Variants in UNC5D observed in about 807,000 individuals in gnomAD.
UNC5D encodes netrin receptor UNC5D.
A neutral mutation model predicts 105.4 loss-of-function variants in UNC5D; 39 were observed. The observed-to-expected ratio is 0.37, with a 90% CI of 0.29 to 0.48. UNC5D has a LOEUF of 0.48. Among genes scored for constraint, UNC5D ranks in the 20% least tolerant of loss-of-function variants. UNC5D has a pLI of 0.98. For synonymous variants in UNC5D, 452 were observed against 450.4 expected, an observed-to-expected ratio of 1.00 and a Z score of -0.04; for missense variants, 991 against 1,202.4, an observed-to-expected ratio of 0.82 and a Z score of 2.60.
At chr8:35,289,335 C>T (rs1448246823) in intron 1 of UNC5D, among the ~76,000 whole-genome samples, 3 of 152,136 alleles carry the variant, frequency 2.0e-5, no homozygotes, top group East Asian at 1.9e-4. Context: ...GTGCACTAAA[C>T]ATTGTAGCAC....
intron 1 of UNC5D, among the ~76,000 whole-genome samples, chr8:35,291,760 T>C (rs577254470): frequency 2.0e-5 from 3 of 152,322 alleles, no homozygotes; most frequent in South Asian, 2.1e-4. Flanking sequence ...TCTTTTGTAG[T>C]TGAATTTCAA....
At chr8:35,454,414 G>A (rs570493772) in intron 1 of UNC5D, among the ~76,000 whole-genome samples, 1 of 152,192 alleles carries the variant, frequency 6.6e-6, no homozygotes, top group South Asian at 2.1e-4. Flanking sequence ...AACACAGGAA[G>A]AGCTGCTCAC....
chr8:35,579,982 G>A (rs1563555505), intron 3 of UNC5D, among the ~76,000 whole-genome samples: 1 of 152,166 alleles, frequency 6.6e-6, no homozygotes, highest in Admixed American at 6.5e-5. Context: ...AGGTACAAAT[G>A]TGAGGATTCA....
Position 35,759,254 on chromosome 8 carries a change from G to T in UNC5D, c.2164-66G>T, listed in dbSNP as rs1830649548. ...ATGGTAGTGAGCATGTGTATCCCTA[G>T]ATAGGAAATATGTAAGTAGCAGGAT... On this transcript the variant is annotated intron_variant, in intron 13 of 16. Coordinates refer to ENST00000404895, the MANE Select transcript of UNC5D (RefSeq NM_080872.4). 22 of 1,574,040 alleles carry T rather than the reference G, an allele frequency of 1.4e-5. No individual in the cohort carries two copies. In the South Asian group the frequency reaches 2.5e-4, roughly 18 times the overall value.
chr8:35,743,382 G>A (rs962307783), intron 11 of UNC5D, among the ~76,000 whole-genome samples: 20 of 151,824 alleles, frequency 1.3e-4, no homozygotes, highest in African/African-American at 3.1e-4. Context: ...CAATTCTCTC[G>A]CCTCAGCCTC....
At chr8:35,683,184 C>A (rs1825783095) in intron 4 of UNC5D, among the ~76,000 whole-genome samples, 1 of 152,124 alleles carries the variant, frequency 6.6e-6, no homozygotes, top group Non-Finnish European at 1.5e-5. Context: ...ATTTTCTGAG[C>A]TCCACTTTGG....
chr8:35,413,067 A>T (rs899775352), intron 1 of UNC5D, among the ~76,000 whole-genome samples: 1 of 152,068 alleles, frequency 6.6e-6, no homozygotes, highest in Non-Finnish European at 1.5e-5. Flanking sequence ...CAAATGCGCT[A>T]TGTAGTGGAT....
At chr8:35,291,949 T>C (rs1374873112) in intron 1 of UNC5D, among the ~76,000 whole-genome samples, 2 of 152,212 alleles carry the variant, frequency 1.3e-5, no homozygotes, top group Non-Finnish European at 2.9e-5. Flanking sequence ...TGTACAGCCA[T>C]GGAAAAAATA....
At chr8:35,397,413 C>T (rs1439703341) in intron 1 of UNC5D, among the ~76,000 whole-genome samples, 1 of 152,188 alleles carries the variant, frequency 6.6e-6, no homozygotes, top group African/African-American at 2.4e-5. Context: ...AGGCAAGGGC[C>T]AGCCTAGTCA....
At position 35,600,650 on chromosome 8, in the gene UNC5D, G is replaced by GT. The variant is rs578117079; in HGVS notation, c.570+5000dup. 4.6e-3 allele frequency among the ~76,000 whole-genome samples: 704 copies of GT among 152,156 alleles called. 4 individuals are homozygous for GT. Among genetic ancestry groups the GT allele is most frequent in the Non-Finnish European group, 7.2e-3 (487 of 67,986 alleles). On this transcript the variant is annotated intron_variant, in intron 4 of 16. Coordinates refer to ENST00000404895, the MANE Select transcript of UNC5D (RefSeq NM_080872.4). ...CGCCCACTTTTTGATGGGGTTGTTT[G>GT]TTTTTTTCTTGTAAATTTCTTTGAG...
At chr8:35,633,412 C>G (rs1292288685) in intron 4 of UNC5D, among the ~76,000 whole-genome samples, 1 of 151,992 alleles carries the variant, frequency 6.6e-6, no homozygotes, top group Non-Finnish European at 1.5e-5. Flanking sequence ...TGAGCAATTT[C>G]TTTTAGCCTC....
chr8:35,667,835 T>C (rs1353582422), intron 4 of UNC5D, among the ~76,000 whole-genome samples: 4 of 152,222 alleles, frequency 2.6e-5, no homozygotes, highest in African/African-American at 9.6e-5. Context: ...AAATGTGCCA[T>C]AATTGATTTA....
intron 1 of UNC5D, among the ~76,000 whole-genome samples, chr8:35,344,794 A>G (rs1811685975): frequency 2.0e-5 from 3 of 151,988 alleles, no homozygotes; most frequent in Admixed American, 2.0e-4. Flanking sequence ...TACATGGGGG[A>G]TGAGGTGAAC....
At chr8:35,730,722 G>A (rs972373071) in intron 10 of UNC5D, among the ~76,000 whole-genome samples, 4 of 151,742 alleles carry the variant, frequency 2.6e-5, no homozygotes, top group African/African-American at 9.7e-5. Context: ...AATACTGCCT[G>A]GTCTTAGAAC....
intron 4 of UNC5D, among the ~76,000 whole-genome samples, chr8:35,641,387 A>AAAAAAAAAAAAAAAAAAAGG (rs1563621898): frequency 7.2e-6 from 1 of 139,336 alleles, no homozygotes. Context: ...AAAAAAAAAG[A>AAAAAAAAAAAAAAAAAAAGG]AAAAAAAAAA....
rs141718928 is a variant in UNC5D, at chr8:35,377,715, T to A, written c.103+141828T>A. On this transcript the variant is annotated intron_variant, in intron 1 of 16. Transcript: ENST00000404895. Reference sequence around the variant, plus strand: ...GTGAGGCAAGGGGAAGACATTCGTATCTGTGGGTACTGCTGGATCCCTGTG... The same window carrying A: ...GTGAGGCAAGGGGAAGACATTCGTAACTGTGGGTACTGCTGGATCCCTGTG... Among the ~76,000 whole-genome samples, 239 of 152,314 alleles carry A rather than the reference T, an allele frequency of 1.6e-3. 1 individual carries two copies. The highest frequency in any genetic ancestry group is 5.5e-3 in the African/African-American group (227 of 41,568).
chr8:35,334,828 T>G (rs781200436), intron 1 of UNC5D, among the ~76,000 whole-genome samples: 5 of 152,180 alleles, frequency 3.3e-5, no homozygotes, highest in Non-Finnish European at 7.3e-5. Context: ...CTGTACATTT[T>G]TAAAACTGCC....
At chr8:35,493,811 C>T (rs1045842521) in intron 1 of UNC5D, among the ~76,000 whole-genome samples, 2 of 152,010 alleles carry the variant, frequency 1.3e-5, no homozygotes, top group Non-Finnish European at 2.9e-5. Flanking sequence ...CTCTATTCTC[C>T]GTATTTCCAT....
At chr8:35,518,118 GA>G (rs559736934) in intron 1 of UNC5D, among the ~76,000 whole-genome samples, 19 of 149,498 alleles carry the variant, frequency 1.3e-4, no homozygotes, top group African/African-American at 1.5e-4. Context: ...TTAAAATACT[GA>G]AAAAAAAAGC....
Sources: gnomAD v4.1 joint callset for allele counts (sites outside exome capture counted in the v4.1 genomes callset) on GRCh38, gnomAD v4.1.1 for gene constraint, MANE v1.5 for transcripts, NCBI Gene and HGNC (gene_info 2026-07-23, HGNC 2026-07-21) for gene names.